Variants in PRKCB observed in about 807,000 individuals in gnomAD.
PRKCB encodes the protein protein kinase C beta.
Under a neutral mutation model 81.5 loss-of-function variants are expected in PRKCB, and 13 were observed. The ratio of observed to expected loss-of-function variants is 0.16; its 90% CI spans 0.10 to 0.25. The LOEUF is 0.25. Ranked by LOEUF, PRKCB falls within the 10% of genes least tolerant of loss-of-function variation. The pLI is 1.00. For synonymous variants in PRKCB, 335 were observed against 321.4 expected (o/e 1.04, Z -0.45); for missense variants, 509 against 875.7 (o/e 0.58, Z 5.29).
chr16:24,137,242 G>C (rs1026078680), intron 9 of PRKCB, among the ~76,000 whole-genome samples: 1 of 151,946 alleles, frequency 6.6e-6, no homozygotes, highest in Admixed American at 6.6e-5. Context: ...AGGCTGGAGT[G>C]CAGTGGCATG....
chr16:23,977,648 A>G (rs1964643191), intron 2 of PRKCB, among the ~76,000 whole-genome samples: 2 of 152,202 alleles, frequency 1.3e-5, no homozygotes, highest in African/African-American at 4.8e-5. Flanking sequence ...GGAGACTGGA[A>G]AGAACGGTTC....
At chr16:24,053,961 A>C (rs575289132) in intron 5 of PRKCB, among the ~76,000 whole-genome samples, 1 of 152,260 alleles carries the variant, frequency 6.6e-6, no homozygotes, top group East Asian at 1.9e-4. Flanking sequence ...TAGTTGTAAT[A>C]GTTCCTTTAA....
At chr16:24,029,768 C>T (rs910324958) in intron 3 of PRKCB, among the ~76,000 whole-genome samples, 23 of 152,130 alleles carry the variant, frequency 1.5e-4, no homozygotes, top group African/African-American at 5.6e-4. Flanking sequence ...TCTGTGGCAG[C>T]ATCAATAAAT....
chr16:24,033,924 T>G (rs1490252994), intron 4 of PRKCB, among the ~76,000 whole-genome samples: 1 of 149,004 alleles, frequency 6.7e-6, no homozygotes, highest in Non-Finnish European at 1.5e-5. Context: ...GAGACACAGT[T>G]GGAGAAAGGG....
chr16:24,071,637 G>A (rs974093609), intron 5 of PRKCB, among the ~76,000 whole-genome samples: 8 of 151,934 alleles, frequency 5.3e-5, no homozygotes, highest in Non-Finnish European at 1.2e-4. Flanking sequence ...GTGAGTACCT[G>A]CCTGGCTTGT....
intron 16 of PRKCB, among the ~76,000 whole-genome samples, chr16:24,195,425 T>C (rs1410013904): frequency 6.6e-6 from 1 of 152,190 alleles, no homozygotes; most frequent in Non-Finnish European, 1.5e-5. Flanking sequence ...TGCATGTATC[T>C]GTCAGCGTTT....
intron 2 of PRKCB, among the ~76,000 whole-genome samples, chr16:23,975,218 G>T (rs1366718828): frequency 6.6e-6 from 1 of 152,110 alleles, no homozygotes; most frequent in Admixed American, 6.5e-5. Context: ...CCTGGCTGGG[G>T]ATTAAGCTTT....
At chr16:24,100,216 C>G (rs769019044) in intron 7 of PRKCB, among the ~76,000 whole-genome samples, 5 of 152,110 alleles carry the variant, frequency 3.3e-5, no homozygotes, top group African/African-American at 4.8e-5. Flanking sequence ...TCTCCTTTCT[C>G]TCATGGCTGA....
chr16:24,123,732 T>C lies in PRKCB; in HGVS notation c.919-103T>C, dbSNP rs1234020512. On this transcript the variant is annotated intron_variant, in intron 8 of 16. Transcript: ENST00000643927. ...GGCTATGCTTTTCATGGGGACAGGG[T>C]GCCGGAGCTGCAGGAACTACAGCTT... 18 of 1,222,894 alleles carry C rather than the reference T, an allele frequency of 1.5e-5. No homozygotes were observed. The East Asian group carries it at 3.2e-4, about 22-fold the overall frequency. The allele number at this position is 1,222,894 out of a possible 1,614,324, so 75.8% of individuals were successfully genotyped here. A position where few individuals can be genotyped will look rare whatever the true frequency, so the allele number is the denominator to read the frequency against.
chr16:23,952,373 T>C lies in PRKCB; in HGVS notation c.206-36135T>C, dbSNP rs555897202. 2.0e-5 allele frequency among the ~76,000 whole-genome samples: 3 copies of C among 152,350 alleles called. No individual in the cohort carries two copies. The East Asian group carries it at 5.8e-4, about 29-fold the overall frequency. On this transcript the variant is annotated intron_variant, in intron 2 of 16. Transcript: ENST00000643927. ...GTCAGGGGTTTAGCAGTTAAAACTCTTAGTGCTGCATATTCTGCGTATGTG... is the reference window on the plus strand; with the variant it reads ...GTCAGGGGTTTAGCAGTTAAAACTCCTAGTGCTGCATATTCTGCGTATGTG...
At chr16:24,097,726 A>G (rs183007520) in intron 7 of PRKCB, among the ~76,000 whole-genome samples, 4 of 152,288 alleles carry the variant, frequency 2.6e-5, no homozygotes, top group African/African-American at 7.2e-5. Context: ...TACATGTGAG[A>G]TTTACATTGG....
chr16:23,836,122 G>T lies in PRKCB; in HGVS notation c.-54G>T, dbSNP rs1237825568. ...CGCGCCTCCCCGGCCCGCAGCCCGC[G>T]GTCCCGCGGCCCCGGGGCCGGCACC... On this transcript the variant is annotated 5_prime_UTR_variant, in exon 1 of 17. Transcript: ENST00000643927. 17 of 1,181,828 alleles carry T rather than the reference G, an allele frequency of 1.4e-5. No homozygotes were observed. In the South Asian group the frequency reaches 4.3e-4, roughly 30 times the overall value. The allele number at this position is 1,181,828 out of a possible 1,614,324, so 73.2% of individuals were successfully genotyped here.
chr16:23,836,768 C>CGGG (rs71154241), intron 1 of PRKCB, among the ~76,000 whole-genome samples: 21,601 of 141,646 alleles, frequency 0.15, 2,686 homozygotes, highest in African/African-American at 0.31. Flanking sequence ...CCCTTGTTTC[C>CGGG]GGGGGGGGCG....
chr16:24,180,174 A>T (rs1967596737), intron 12 of PRKCB, among the ~76,000 whole-genome samples: 1 of 152,044 alleles, frequency 6.6e-6, no homozygotes, highest in Admixed American at 6.6e-5. Flanking sequence ...TGAGCTCCTG[A>T]CCTTGTGATC....
intron 2 of PRKCB, among the ~76,000 whole-genome samples, chr16:23,877,071 G>A (rs1451800713): frequency 6.6e-6 from 1 of 152,142 alleles, no homozygotes; most frequent in African/African-American, 2.4e-5. Context: ...GAATTCTAGG[G>A]ATCTAGGAAG....
intron 2 of PRKCB, among the ~76,000 whole-genome samples, chr16:23,924,029 T>TCC (rs1963863101): frequency 6.6e-6 from 1 of 152,038 alleles, no homozygotes; most frequent in Admixed American, 6.6e-5. Flanking sequence ...AGACTTTGTG[T>TCC]CCCCACCCAA....
chr16:23,938,116 A>AGC (rs2141765129), intron 2 of PRKCB, among the ~76,000 whole-genome samples: 1 of 152,316 alleles, frequency 6.6e-6, no homozygotes, highest in East Asian at 1.9e-4. Context: ...TACTAGCGAA[A>AGC]ACATCACTAG....
intron 8 of PRKCB, among the ~76,000 whole-genome samples, chr16:24,113,766 T>C (rs1408886176): frequency 6.6e-6 from 1 of 152,128 alleles, no homozygotes; most frequent in Middle Eastern, 3.2e-3. Context: ...AAACTCTGAT[T>C]AATCCTTCAA....
intron 2 of PRKCB, among the ~76,000 whole-genome samples, chr16:23,965,740 C>T (rs1230449249): frequency 1.3e-5 from 2 of 152,204 alleles, no homozygotes; most frequent in African/African-American, 4.8e-5. Flanking sequence ...CCTGCCTTCT[C>T]CGGGAGCTGC....
Sources: gnomAD v4.1 joint callset for allele counts (sites outside exome capture counted in the v4.1 genomes callset) on GRCh38, gnomAD v4.1.1 for gene constraint, MANE v1.5 for transcripts, NCBI Gene and HGNC (gene_info 2026-07-23, HGNC 2026-07-21) for gene names.